The following RBFOX1 variants were observed in gnomAD, a reference collection of about 807,000 sequenced individuals.
RBFOX1 encodes the protein RNA binding protein fox-1 homolog 1.
RBFOX1 carries 8 observed loss-of-function variants against 57.7 expected under a neutral mutation model. The ratio of observed to expected loss-of-function variants is 0.14; its 90% CI spans 0.08 to 0.25. The LOEUF (loss-of-function observed/expected upper bound fraction) is 0.25. Among genes scored for constraint, RBFOX1 ranks in the 10% least tolerant of loss-of-function variants. The pLI is 1.00. For synonymous variants in RBFOX1, 326 were observed against 222.4 expected, an observed-to-expected ratio of 1.47 and a Z score of -4.15; for missense variants, 611 against 548.5, an observed-to-expected ratio of 1.11 and a Z score of -1.14.
At chr16:6,365,945 T>C (rs1017777732) in intron 2 of RBFOX1, among the ~76,000 whole-genome samples, 1 of 152,086 alleles carries the variant, frequency 6.6e-6, no homozygotes. Flanking sequence ...GCTAAGGATC[T>C]TTCTTGTTTT....
chr16:6,720,828 G>A (rs2065848023), intron 3 of RBFOX1, among the ~76,000 whole-genome samples: 1 of 152,156 alleles, frequency 6.6e-6, no homozygotes, highest in African/African-American at 2.4e-5. Flanking sequence ...TTGCTGAAGT[G>A]TATCCCACAA....
intron 4 of RBFOX1, among the ~76,000 whole-genome samples, chr16:7,515,305 A>C (rs1467420245): frequency 2.6e-5 from 4 of 151,978 alleles, no homozygotes; most frequent in African/African-American, 9.7e-5. Flanking sequence ...GGTTGTAAGT[A>C]ACAGAAAAAG....
At chr16:7,351,096 A>G (rs963577152) in intron 4 of RBFOX1, among the ~76,000 whole-genome samples, 5 of 152,212 alleles carry the variant, frequency 3.3e-5, no homozygotes, top group African/African-American at 1.2e-4. Context: ...TTTTAGCAGA[A>G]GTAGAGAAGG....
At chr16:6,924,283 G>A (rs977242668) in intron 3 of RBFOX1, among the ~76,000 whole-genome samples, 3 of 152,132 alleles carry the variant, frequency 2.0e-5, no homozygotes, top group Non-Finnish European at 4.4e-5. Flanking sequence ...TATGGCTCCA[G>A]CATCTGCTCT....
intron 4 of RBFOX1, among the ~76,000 whole-genome samples, chr16:5,896,250 C>A (rs2058161161): frequency 6.6e-6 from 1 of 152,100 alleles, no homozygotes; most frequent in African/African-American, 2.4e-5. Flanking sequence ...GATGTTTGTC[C>A]TCCCAAACCT....
At position 6,390,021 on chromosome 16, in the gene RBFOX1, T is replaced by G. The variant is rs113906126; in HGVS notation, c.-64+72964T>G. ...GGAAACTGTGTTTGGGCTAAATTGC[T>G]TTTGGTCAGGAGCTCCATCTTCTCA... On this transcript the variant is annotated intron_variant, in intron 2 of 15. Transcript: ENST00000550418. Among the ~76,000 whole-genome samples the G allele has an allele frequency of 7.2e-3, 1,095 of 152,272 alleles. 5 individuals are homozygous for G. The highest frequency in any genetic ancestry group is 0.012 in the Non-Finnish European group (814 of 68,018).
intron 1 of RBFOX1, among the ~76,000 whole-genome samples, chr16:6,150,994 A>G (rs1421100218): frequency 6.6e-6 from 1 of 152,194 alleles, no homozygotes; most frequent in African/African-American, 2.4e-5. Flanking sequence ...GCTGTTCTCC[A>G]GGATGGGTCC....
chr16:7,602,256 G>A (rs891912637), intron 9 of RBFOX1, among the ~76,000 whole-genome samples: 5 of 152,172 alleles, frequency 3.3e-5, no homozygotes, highest in African/African-American at 4.8e-5. Context: ...AATTTGGGGA[G>A]GGGAGTGCAA....
intron 2 of RBFOX1, among the ~76,000 whole-genome samples, chr16:5,505,179 G>C (rs899715302): frequency 6.6e-6 from 1 of 152,172 alleles, no homozygotes; most frequent in African/African-American, 2.4e-5. Flanking sequence ...ATTGTAGGCT[G>C]CATAAACCTC....
chr16:7,597,470 C>T (rs1234752941), intron 9 of RBFOX1, 39 bp downstream of exon 9: 6 of 1,488,000 alleles, frequency 4.0e-6, no homozygotes, highest in Non-Finnish European at 5.6e-6. Context: ...ATTCTCTCTA[C>T]TTCTGACTCT....
intron 3 of RBFOX1, among the ~76,000 whole-genome samples, chr16:5,710,862 G>A (rs572654783): frequency 6.6e-6 from 1 of 152,334 alleles, no homozygotes; most frequent in African/African-American, 2.4e-5. Context: ...ACCTGGGGGA[G>A]CCAGAAAGGG....
chr16:6,467,440 T>A (rs528821806), intron 2 of RBFOX1, among the ~76,000 whole-genome samples: 112 of 152,238 alleles, frequency 7.4e-4, no homozygotes, highest in African/African-American at 2.6e-3. Flanking sequence ...TGACATATAT[T>A]TATGTCCAGG....
rs963283503 is a variant in RBFOX1, at chr16:6,991,923, C to G, written c.-15-60134C>G. On this transcript the variant is annotated intron_variant, in intron 3 of 15. Transcript: ENST00000550418. ...TTCTTAGATCCTACCCACAGAGTTTCTGATTCAATCAATAGGGTGGTGGGG... is the reference window on the plus strand; with the variant it reads ...TTCTTAGATCCTACCCACAGAGTTTGTGATTCAATCAATAGGGTGGTGGGG... Among the ~76,000 whole-genome samples the G allele has an allele frequency of 5.3e-5, 8 of 152,298 alleles. No homozygotes were observed. In the South Asian group the frequency reaches 1.2e-3, roughly 24 times the overall value.
chr16:5,366,284 TG>T, intron 1 of RBFOX1: 1 of 378,068 alleles, frequency 2.6e-6, no homozygotes. Flanking sequence ...AAGATGATGC[TG>T]GTCATGACGA....
chr16:7,410,052 A>T (rs2098407475), intron 4 of RBFOX1, among the ~76,000 whole-genome samples: 1 of 147,442 alleles, frequency 6.8e-6, no homozygotes, highest in South Asian at 2.4e-4. Context: ...TGCATCTTAC[A>T]TTGGAGTCTT....
intron 2 of RBFOX1, among the ~76,000 whole-genome samples, chr16:5,522,180 T>G (rs977780547): frequency 1.3e-5 from 2 of 152,210 alleles, no homozygotes; most frequent in African/African-American, 4.8e-5. Context: ...GTTAAACCCA[T>G]GGAGGAATTA....
At chr16:6,462,568 G>A (rs948471287) in intron 2 of RBFOX1, among the ~76,000 whole-genome samples, 1 of 152,052 alleles carries the variant, frequency 6.6e-6, no homozygotes, top group African/African-American at 2.4e-5. Context: ...AATAAGCATT[G>A]CTATAAGAAA....
At chr16:6,747,535 G>A (rs977584211) in intron 3 of RBFOX1, among the ~76,000 whole-genome samples, 2 of 152,136 alleles carry the variant, frequency 1.3e-5, no homozygotes, top group Admixed American at 1.3e-4. Flanking sequence ...TATGTAAGAA[G>A]CCTGTTGGGG....
At chr16:7,671,734 T>C (rs2071507641) in intron 13 of RBFOX1, 7 of 797,770 alleles carry the variant, frequency 8.8e-6, no homozygotes, top group Non-Finnish European at 1.5e-5. Context: ...AATTTTCCAG[T>C]TTTAATATGA....
Sources: gnomAD v4.1 joint callset for allele counts (sites outside exome capture counted in the v4.1 genomes callset) on GRCh38, gnomAD v4.1.1 for gene constraint, MANE v1.5 for transcripts, NCBI Gene and HGNC (gene_info 2026-07-23, HGNC 2026-07-21) for gene names.